The following SRPK2 variants were observed in gnomAD, a reference collection of about 807,000 sequenced individuals.
The protein encoded by SRPK2 is SFRS protein kinase 2.
A neutral mutation model predicts 90.8 loss-of-function variants in SRPK2; 21 were observed. That is an observed-to-expected ratio of 0.23 (90% confidence interval 0.16 to 0.33). SRPK2 has a LOEUF of 0.33. Among genes scored for constraint, SRPK2 ranks in the 10% least tolerant of loss-of-function variants. The pLI is 1.00. For missense variants in SRPK2, 620 were observed against 869.0 expected, an observed-to-expected ratio of 0.71 and a Z score of 3.60; for synonymous variants, 288 against 311.1, an observed-to-expected ratio of 0.93 and a Z score of 0.78.
intron 2 of SRPK2, among the ~76,000 whole-genome samples, chr7:105,352,487 T>C (rs908710246): frequency 1.3e-5 from 2 of 152,238 alleles, no homozygotes; most frequent in African/African-American, 2.4e-5. Context: ...ACTGCAACCC[T>C]GAGCCAGAAC....
At chr7:105,259,271 C>T (rs1017890754) in intron 2 of SRPK2, among the ~76,000 whole-genome samples, 1 of 152,170 alleles carries the variant, frequency 6.6e-6, no homozygotes, top group African/African-American at 2.4e-5. Flanking sequence ...CATGAGTGAA[C>T]TCCCATTCAC....
chr7:105,309,461 T>C (rs1811474619), intron 2 of SRPK2, among the ~76,000 whole-genome samples: 1 of 152,142 alleles, frequency 6.6e-6, no homozygotes, highest in Non-Finnish European at 1.5e-5. Context: ...TATTTTAGCA[T>C]ATACATGTGT....
intron 2 of SRPK2, among the ~76,000 whole-genome samples, chr7:105,268,239 C>T (rs1352861716): frequency 1.3e-5 from 2 of 152,204 alleles, no homozygotes; most frequent in African/African-American, 4.8e-5. Flanking sequence ...TTACTGCATG[C>T]AGTGACTGTT....
intron 2 of SRPK2, among the ~76,000 whole-genome samples, chr7:105,253,902 AAC>A (rs1476308027): frequency 2.0e-5 from 1 of 49,278 alleles, no homozygotes; most frequent in Non-Finnish European, 5.8e-5. Flanking sequence ...TTTAAAAAAA[AAC>A]AAACAAACAA....
At chr7:105,141,974 C>G in intron 11 of SRPK2, 34 bp downstream of exon 11, 1 of 1,575,108 alleles carries the variant, frequency 6.3e-7, no homozygotes, top group Non-Finnish European at 8.6e-7. Flanking sequence ...CTGGAGTCAG[C>G]GATGGCAGAC....
At chr7:105,291,046 A>G (rs1320653306) in intron 2 of SRPK2, among the ~76,000 whole-genome samples, 2 of 87,160 alleles carry the variant, frequency 2.3e-5, no homozygotes, top group South Asian at 3.4e-4. Flanking sequence ...CTCCGTCTCA[A>G]AAAAAAAAAA....
chr7:105,200,392 T>C (rs575298737), intron 3 of SRPK2, among the ~76,000 whole-genome samples: 2 of 151,788 alleles, frequency 1.3e-5, no homozygotes, highest in South Asian at 4.2e-4. Context: ...AGAACAAAAT[T>C]TGGGATAATC....
At chr7:105,198,368 A>G (rs886226687) in intron 3 of SRPK2, among the ~76,000 whole-genome samples, 1 of 152,200 alleles carries the variant, frequency 6.6e-6, no homozygotes, top group East Asian at 1.9e-4. Flanking sequence ...TCATGAAACA[A>G]GCATGTATGA....
At chr7:105,393,142 C>T (rs1405326307), upstream of SRPK2, among the ~76,000 whole-genome samples, 2 of 151,852 alleles carry the variant, frequency 1.3e-5, no homozygotes, top group African/African-American at 4.8e-5. Context: ...TACAGGCACC[C>T]GCCACCACTC....
At chr7:105,118,597 GA>G (rs1167660142) in intron 15 of SRPK2, among the ~76,000 whole-genome samples, 4 of 151,620 alleles carry the variant, frequency 2.6e-5, no homozygotes, top group African/African-American at 7.3e-5. Flanking sequence ...TTTCATAAGA[GA>G]AAAAAAAGGT....
chr7:105,346,956 A>AG (rs1256370431), intron 2 of SRPK2, among the ~76,000 whole-genome samples: 2 of 152,022 alleles, frequency 1.3e-5, no homozygotes, highest in African/African-American at 4.8e-5. Flanking sequence ...AGGACTTACT[A>AG]AACAGTAAAA....
intron 3 of SRPK2, among the ~76,000 whole-genome samples, chr7:105,169,472 A>T (rs1462952443): frequency 6.6e-6 from 1 of 152,222 alleles, no homozygotes; most frequent in African/African-American, 2.4e-5. Flanking sequence ...TACACCTGTA[A>T]TCTCAGCACT....
At chr7:105,270,773 T>C (rs549584651) in intron 2 of SRPK2, among the ~76,000 whole-genome samples, 1 of 152,226 alleles carries the variant, frequency 6.6e-6, no homozygotes, top group African/African-American at 2.4e-5. Flanking sequence ...AAAGCCTCTA[T>C]CTCCTCTCCT....
chr7:105,196,648 C>T (rs923417360), intron 3 of SRPK2, among the ~76,000 whole-genome samples: 10 of 152,248 alleles, frequency 6.6e-5, no homozygotes, highest in African/African-American at 2.2e-4. Flanking sequence ...TGATGTAACA[C>T]AGCCAACATT....
chr7:105,289,391 A>G (rs972915235), intron 2 of SRPK2, among the ~76,000 whole-genome samples: 1 of 152,224 alleles, frequency 6.6e-6, no homozygotes, highest in Non-Finnish European at 1.5e-5. Flanking sequence ...AGGATATCAC[A>G]GGTTCAATTC....
At chr7:105,137,625 A>C (rs1394252254) in intron 11 of SRPK2, among the ~76,000 whole-genome samples, 1 of 152,198 alleles carries the variant, frequency 6.6e-6, no homozygotes, top group African/African-American at 2.4e-5. Flanking sequence ...TGTTGAGCCA[A>C]GATACACACT....
intron 2 of SRPK2, among the ~76,000 whole-genome samples, chr7:105,343,420 C>T (rs1299111993): frequency 1.3e-5 from 2 of 152,016 alleles, no homozygotes; most frequent in Non-Finnish European, 2.9e-5. Context: ...GGCAATAGAG[C>T]GAGACCCTGA....
chr7:105,132,710 C>T, intron 13 of SRPK2, 81 bp downstream of exon 13: 1 of 1,165,442 alleles, frequency 8.6e-7, no homozygotes, highest in Non-Finnish European at 1.2e-6. Flanking sequence ...AGGTCGCATG[C>T]CTCAGAGAGA....
intron 2 of SRPK2, among the ~76,000 whole-genome samples, chr7:105,367,705 T>C (rs1040166373): frequency 1.3e-5 from 2 of 152,206 alleles, no homozygotes; most frequent in Admixed American, 6.5e-5. Context: ...ACCTTTATGT[T>C]TGCACTTCTC....
Sources: allele counts gnomAD v4.1 joint callset (sites outside exome capture counted in the v4.1 genomes callset), GRCh38; gene constraint gnomAD v4.1.1; transcripts MANE v1.5; gene names NCBI Gene and HGNC (gene_info 2026-07-23, HGNC 2026-07-21).